Variants in PRDM2 observed in about 807,000 individuals in gnomAD.
The protein encoded by PRDM2 is PR/SET domain 2, also known as PR domain zinc finger protein 2.
In PRDM2, 30 loss-of-function variants were observed where a neutral mutation model predicts 130.0. The observed-to-expected ratio is 0.23, with a 90% CI of 0.17 to 0.31. The LOEUF (loss-of-function observed/expected upper bound fraction) is 0.31, where lower values mean the gene tolerates loss of function less well. Ranked by LOEUF, PRDM2 falls within the 10% of genes least tolerant of loss-of-function variation. The pLI, the probability that PRDM2 is intolerant of heterozygous loss-of-function variation, is 1.00. For synonymous variants in PRDM2, 871 were observed against 782.4 expected (o/e 1.11, Z -1.89); for missense variants, 2,011 against 2,108.4 (o/e 0.95, Z 0.90).
chr1:13,779,716 A>C lies in PRDM2; in HGVS notation c.1921A>C (p.Thr641Pro). The change falls in exon 8 of 10, where the codon ACT becomes CCT. Residue 641 changes from threonine (T) to proline (P), a missense_variant. By Grantham distance (38) the Thr-to-Pro change is conservative. Coordinates refer to ENST00000311066, the MANE Select transcript of PRDM2 (RefSeq NM_001393986.1). The surrounding 1 kb of genome is among the most constrained non-coding windows in gnomAD (Gnocchi z 4.9). ...AAATAGTGAGGCCAAGAAGCGGAGA[A>C]CTGCGAGCCCACCTGCACTGCCCAA... ...STNSEAKKRR[T>P]ASPPALPKIK... is the part of the protein sequence containing the mutation. The C allele has an allele frequency of 6.2e-7, 1 of 1,614,088 alleles. No individual in the cohort carries two copies. Among genetic ancestry groups the C allele is most frequent in the African/African-American group, 1.3e-5 (1 of 75,030 alleles).
rs60773281 is a variant in PRDM2 at position 13,818,545 on chromosome 1, A to ATTT, written c.*23+1987_*23+1989dup. On this transcript the variant is annotated intron_variant, in intron 9 of 9. Transcript: ENST00000311066. ...AGGCACCCGCCACTACTCCTGGCTA[A>ATTT]TTTTTTTTTTTTTTGTATTTTAGTA... 1.1e-4 allele frequency among the ~76,000 whole-genome samples: 16 copies of ATTT among 143,584 alleles called. No homozygotes were observed. The South Asian group carries it at 3.1e-3, about 28-fold the overall frequency. The allele number at this position is 143,584 out of a possible 152,430, so 94.2% of individuals were successfully genotyped here. A position where few individuals can be genotyped will look rare whatever the true frequency, so the allele number is the denominator to read the frequency against.
At chr1:13,713,459 C>T (rs1389587957) in intron 1 of PRDM2, among the ~76,000 whole-genome samples, 1 of 152,168 alleles carries the variant, frequency 6.6e-6, no homozygotes, top group Non-Finnish European at 1.5e-5. Flanking sequence ...GGGACCTGAG[C>T]TGGTTCATTG....
In PRDM2 at chr1:13,782,403, C is replaced by A; in HGVS notation, c.4608C>A (p.Ala1536=). Residue 1536 remains alanine, a synonymous_variant, in exon 8 of 10, where the codon GCC becomes GCA. Transcript: ENST00000311066. ...AGACTCCGTTGGGCAAGACCAGAGC[C>A]CGCAGCTCAGGCCCCACCCAAGTCC... The part of the protein sequence containing the change: ...SMQTPLGKTR[A]RSSGPTQVPL... 6.2e-7 allele frequency: 1 copy of A among 1,613,930 alleles called. No individual in the cohort carries two copies. Among genetic ancestry groups the A allele is most frequent in the Non-Finnish European group, 8.5e-7 (1 of 1,180,020 alleles).
At chr1:13,816,691 G>C in intron 9 of PRDM2, 121 bp downstream of exon 9, 1 of 1,337,402 alleles carries the variant, frequency 7.5e-7, no homozygotes, top group Non-Finnish European at 1.0e-6. Context: ...GTGTGTACCA[G>C]GCACGGTGCA....
intron 6 of PRDM2, chr1:13,770,468 A>G (rs1644335201): frequency 3.8e-6 from 1 of 262,816 alleles, no homozygotes; most frequent in Non-Finnish European, 7.8e-6. Flanking sequence ...GGCTTTTTAT[A>G]TGACCTACAG....
At chr1:13,766,257 T>G (rs139721714) in intron 6 of PRDM2, among the ~76,000 whole-genome samples, 254 of 152,286 alleles carry the variant, frequency 1.7e-3, no homozygotes, top group African/African-American at 5.8e-3. Flanking sequence ...AGTCTTCAGT[T>G]TCCTAGGAAG....
intron 2 of PRDM2, among the ~76,000 whole-genome samples, chr1:13,729,257 C>T (rs1443114375): frequency 1.3e-5 from 2 of 152,112 alleles, no homozygotes; most frequent in South Asian, 2.1e-4. Context: ...TGGAAGTATC[C>T]GTTTAGGTTA....
At chr1:13,728,262 A>G (rs1569768412) in intron 2 of PRDM2, among the ~76,000 whole-genome samples, 1 of 152,376 alleles carries the variant, frequency 6.6e-6, no homozygotes, top group Middle Eastern at 3.4e-3. Flanking sequence ...TAAGATAGAC[A>G]CCATCTGTCT....
rs541972739 is a variant in PRDM2 at position 13,761,692 on chromosome 1, C to T, written c.512-11386C>T. 1.2e-4 allele frequency among the ~76,000 whole-genome samples: 18 copies of T among 152,076 alleles called. No individual in the cohort carries two copies. The South Asian group carries it at 2.3e-3, about 19-fold the overall frequency. ...ACTTGATACTCAGAAGTCTCCTCTC[C>T]GAAAGATTAAGAACCACCACAGTGA... On this transcript the variant is annotated intron_variant, in intron 6 of 9. Transcript: ENST00000311066.
chr1:13,780,019 A>C lies in PRDM2; in HGVS notation c.2224A>C (p.Ser742Arg), dbSNP rs1384103095. The C allele has an allele frequency of 3.1e-6, 5 of 1,614,164 alleles. No homozygotes were observed. The East Asian group carries it at 1.1e-4, about 36-fold the overall frequency. The change falls in exon 8 of 10, where the codon AGT (serine) becomes CGT (arginine). Residue 742 changes from serine to arginine, a missense_variant. Around this residue, in one of 5 missense-constraint regions of PRDM2, gnomAD observed 1,288 missense variants for 1,237.7 expected, o/e 1.04. Transcript: ENST00000311066. ...RFKRRTSSPP[S>R]SPQHSPALRD... ...TAAGAGGCGGACCAGCTCTCCTCCCAGTTCTCCACAGCACAGTCCTGCCCT... is the reference window on the plus strand; with the variant it reads ...TAAGAGGCGGACCAGCTCTCCTCCCCGTTCTCCACAGCACAGTCCTGCCCT...
At chr1:13,763,664 A>G (rs1408494697) in intron 6 of PRDM2, among the ~76,000 whole-genome samples, 1 of 152,240 alleles carries the variant, frequency 6.6e-6, no homozygotes, top group African/African-American at 2.4e-5. Context: ...TTTTGTCTCA[A>G]CCAATAAAAA....
rs1368750166 is a variant in PRDM2 at position 13,718,832 on chromosome 1, T to G, written c.9+3218T>G. On this transcript the variant is annotated intron_variant, in intron 2 of 9. Coordinates refer to ENST00000311066, the MANE Select transcript of PRDM2 (RefSeq NM_001393986.1). ...TAACGTTCCACACCCATCCTGATAC[T>G]TAACTTTTGAGATGTTCCACTGTTT... Among the ~76,000 whole-genome samples, 3 of 152,154 alleles carry G rather than the reference T, an allele frequency of 2.0e-5. No homozygotes were observed. In the East Asian group the frequency reaches 5.8e-4, roughly 29 times the overall value.
intron 2 of PRDM2, among the ~76,000 whole-genome samples, chr1:13,723,843 G>A (rs1173690060): frequency 2.0e-5 from 3 of 152,190 alleles, no homozygotes; most frequent in South Asian, 2.1e-4. Context: ...TTGCCCGTTC[G>A]CAGTGACCAC....
At chr1:13,815,744 C>T (rs1422210059) in intron 8 of PRDM2, among the ~76,000 whole-genome samples, 1 of 152,170 alleles carries the variant, frequency 6.6e-6, no homozygotes, top group Non-Finnish European at 1.5e-5. Context: ...ATCCCATTTA[C>T]TGGGGGCGGT....
intron 8 of PRDM2, among the ~76,000 whole-genome samples, chr1:13,812,330 A>G (rs1196681987): frequency 5.0e-5 from 2 of 39,956 alleles, no homozygotes; most frequent in Non-Finnish European, 1.1e-4. Context: ...GGGTAAGCAC[A>G]GCGGGGGGTC....
At chr1:13,783,939 G>T (rs562095813) in intron 8 of PRDM2, among the ~76,000 whole-genome samples, 3 of 152,238 alleles carry the variant, frequency 2.0e-5, no homozygotes, top group African/African-American at 7.2e-5. Flanking sequence ...ATTTTGTAGA[G>T]GTCACGAGGA....
chr1:13,811,830 G>A (rs1645177800), intron 8 of PRDM2, among the ~76,000 whole-genome samples: 2 of 152,344 alleles, frequency 1.3e-5, no homozygotes, highest in East Asian at 1.9e-4. Flanking sequence ...AGGTGGGGAG[G>A]TCAGAGAAGG....
chr1:13,815,797 C>T (rs1165387512), intron 8 of PRDM2, among the ~76,000 whole-genome samples: 3 of 152,092 alleles, frequency 2.0e-5, no homozygotes, highest in Non-Finnish European at 4.4e-5. Context: ...AAACCATGCC[C>T]CCGAAATTCC....
Position 13,739,368 on chromosome 1 carries a change from A to G in PRDM2, c.232-2637A>G, listed in dbSNP as rs975041374. On this transcript the variant is annotated intron_variant, in intron 4 of 9. Coordinates refer to ENST00000311066, the MANE Select transcript of PRDM2 (RefSeq NM_001393986.1). Reference sequence around the variant, plus strand: ...TGGCCTATAAATGCTTTATTCAATCATCAACGTATTGTGAATGCCTTTATG... The same window carrying G: ...TGGCCTATAAATGCTTTATTCAATCGTCAACGTATTGTGAATGCCTTTATG... Among the ~76,000 whole-genome samples, 10 of 152,080 alleles carry G rather than the reference A, an allele frequency of 6.6e-5. 1 individual carries two copies.
Sources: gnomAD v4.1 joint callset for allele counts (sites outside exome capture counted in the v4.1 genomes callset) on GRCh38, gnomAD v4.1.1 for gene constraint, gnomAD v4.1.1 regional missense constraint, Gnocchi (gnomAD v3.1) non-coding constraint, MANE v1.5 for transcripts, NCBI Gene and HGNC (gene_info 2026-07-23, HGNC 2026-07-21) for gene names.